DCC: variants seen among roughly 807,000 people sequenced by gnomAD.
The protein encoded by DCC is DCC netrin 1 receptor.
A neutral mutation model predicts 172.5 loss-of-function variants in DCC; 58 were observed. The observed-to-expected ratio is 0.34, with a 90% CI of 0.27 to 0.42. DCC has a LOEUF of 0.42. DCC is among the 10% of genes least tolerant of loss of function. The pLI is 1.00. For missense variants in DCC, 1,740 were observed against 1,791.0 expected, an observed-to-expected ratio of 0.97 and a Z score of 0.51; for synonymous variants, 709 against 644.5, an observed-to-expected ratio of 1.10 and a Z score of -1.52.
rs529121581 is a variant in DCC at position 53,256,434 on chromosome 18, C to T, written c.1911+40837C>T. On this transcript the variant is annotated intron_variant, in intron 12 of 28. Transcript: ENST00000442544. Reference sequence around the variant, plus strand: ...CCAGTTTCAGCTTTCTACATATGGCCAGCCAGTTTTCCCAGCACCATTTAT... The same window carrying T: ...CCAGTTTCAGCTTTCTACATATGGCTAGCCAGTTTTCCCAGCACCATTTAT... 1.5e-3 allele frequency among the ~76,000 whole-genome samples: 232 copies of T among 151,892 alleles called. 1 individual carries two copies. The highest frequency in any genetic ancestry group is 5.3e-3 in the African/African-American group (221 of 41,492).
intron 12 of DCC, among the ~76,000 whole-genome samples, chr18:53,290,556 TG>T (rs1287761433): frequency 1.3e-5 from 2 of 152,268 alleles, no homozygotes; most frequent in Admixed American, 1.3e-4. Context: ...GAAAGCCTGC[TG>T]GTTTCAGAGA....
Position 52,526,496 on chromosome 18 carries a change from G to A in DCC, c.91+185618G>A, listed in dbSNP as rs570521118. 6.6e-5 allele frequency among the ~76,000 whole-genome samples: 10 copies of A among 151,686 alleles called. No individual in the cohort carries two copies. The South Asian group carries it at 2.1e-3, about 32-fold the overall frequency. On this transcript the variant is annotated intron_variant, in intron 1 of 28. Coordinates refer to ENST00000442544, the MANE Select transcript of DCC (RefSeq NM_005215.4). ...TCTTTAAGAGGTTTCTGAGGGCCAC[G>A]AAATGGGCACTGATCTAGAATGCAG... is the stretch of plus-strand genomic sequence containing the variant.
chr18:52,412,222 A>G (rs1204956219), intron 1 of DCC, among the ~76,000 whole-genome samples: 1 of 152,120 alleles, frequency 6.6e-6, no homozygotes, highest in Admixed American at 6.6e-5. Flanking sequence ...TTGTAAAGGC[A>G]TGTATACACA....
chr18:53,329,656 T>A (rs1169638815), intron 14 of DCC, among the ~76,000 whole-genome samples: 1 of 152,152 alleles, frequency 6.6e-6, no homozygotes, highest in Non-Finnish European at 1.5e-5. Flanking sequence ...TGATCATTAT[T>A]ACATTAGTTA....
chr18:52,384,429 C>T (rs1431786), intron 1 of DCC, among the ~76,000 whole-genome samples: 12,618 of 152,148 alleles, frequency 0.083, 984 homozygotes, highest in African/African-American at 0.21. Flanking sequence ...ATGTCAAACA[C>T]GATGACATTG....
intron 2 of DCC, among the ~76,000 whole-genome samples, chr18:52,902,053 G>A (rs2039817818): frequency 6.6e-6 from 1 of 152,154 alleles, no homozygotes; most frequent in South Asian, 2.1e-4. Context: ...GTAGATGTTA[G>A]CAGAGAGCGT....
chr18:53,429,055 T>TATATATTTTATATATAATATATA (rs1911398099), intron 21 of DCC, among the ~76,000 whole-genome samples: 2 of 18,988 alleles, frequency 1.1e-4, no homozygotes, highest in Non-Finnish European at 7.2e-4. Flanking sequence ...TATAATATAT[T>TATATATTTTATATATAATATATA]ATATATTTTA....
At chr18:53,485,876 A>T (rs1342271368) in intron 25 of DCC, among the ~76,000 whole-genome samples, 1 of 152,066 alleles carries the variant, frequency 6.6e-6, no homozygotes, top group Admixed American at 6.6e-5. Flanking sequence ...ATGTGCATGC[A>T]TGTATGTGTA....
chr18:53,046,668 AC>A (rs2042243268), intron 5 of DCC, among the ~76,000 whole-genome samples: 1 of 152,006 alleles, frequency 6.6e-6, no homozygotes, highest in African/African-American at 2.4e-5. Flanking sequence ...AAGGAATTCC[AC>A]ATAACTTGAA....
intron 1 of DCC, among the ~76,000 whole-genome samples, chr18:52,541,292 A>C (rs959977646): frequency 6.6e-6 from 1 of 152,224 alleles, no homozygotes; most frequent in African/African-American, 2.4e-5. Flanking sequence ...TGCTCTATTG[A>C]GCAAAAGCAA....
chr18:52,545,806 G>C (rs2032595552), intron 1 of DCC, among the ~76,000 whole-genome samples: 1 of 152,110 alleles, frequency 6.6e-6, no homozygotes, highest in African/African-American at 2.4e-5. Context: ...CCTTCTATAA[G>C]GGAGTGTTGA....
chr18:53,252,974 A>G (rs906326448), intron 12 of DCC, among the ~76,000 whole-genome samples: 3 of 152,082 alleles, frequency 2.0e-5, no homozygotes, highest in African/African-American at 7.2e-5. Context: ...AGCTAATGAT[A>G]TAATAGGATT....
intron 1 of DCC, among the ~76,000 whole-genome samples, chr18:52,416,735 C>A (rs1248683907): frequency 6.6e-6 from 1 of 151,916 alleles, no homozygotes; most frequent in Non-Finnish European, 1.5e-5. Flanking sequence ...GGTAGATCTT[C>A]CTCCATCCTT....
chr18:52,765,975 G>A (rs1176922709), intron 2 of DCC, among the ~76,000 whole-genome samples: 3 of 152,264 alleles, frequency 2.0e-5, no homozygotes, highest in Non-Finnish European at 2.9e-5. Context: ...GAAGCAGGAC[G>A]TTTCCCTGAC....
intron 1 of DCC, among the ~76,000 whole-genome samples, chr18:52,448,058 T>C (rs545158565): frequency 1.3e-5 from 2 of 152,272 alleles, no homozygotes; most frequent in African/African-American, 4.8e-5. Context: ...AAACTGGTAC[T>C]GGTCTGTGGC....
At position 53,222,383 on chromosome 18, in the gene DCC, CTTTTTTTTT is replaced by C. The variant is rs67373546; in HGVS notation, c.1911+6797_1911+6805del. Reference sequence around the variant, plus strand: ...TTTTTCTTTTTTCTTTTTCTTTTTTCTTTTTTTTTTTTTTTTTTTGAAATGGAGTCTTGC... The same window carrying C: ...TTTTTCTTTTTTCTTTTTCTTTTTTCTTTTTTTTTTGAAATGGAGTCTTGC... On this transcript the variant is annotated intron_variant, in intron 12 of 28. Coordinates refer to ENST00000442544, the MANE Select transcript of DCC (RefSeq NM_005215.4). Among the ~76,000 whole-genome samples, 74 of 104,192 alleles carry C rather than the reference CTTTTTTTTT, an allele frequency of 7.1e-4. 1 individual carries two copies. Among genetic ancestry groups the C allele is most frequent in the Middle Eastern group, 5.6e-3 (1 of 178 alleles). The allele number at this position is 104,192 out of a possible 152,430, so 68.4% of individuals were successfully genotyped here.
intron 1 of DCC, among the ~76,000 whole-genome samples, chr18:52,430,042 TA>T (rs1383979141): frequency 6.6e-6 from 1 of 152,080 alleles, no homozygotes; most frequent in Non-Finnish European, 1.5e-5. Flanking sequence ...TAGCAGAGAA[TA>T]AAGTATATGC....
chr18:53,036,894 C>A (rs557266437), intron 5 of DCC, among the ~76,000 whole-genome samples: 1 of 152,044 alleles, frequency 6.6e-6, no homozygotes, highest in Admixed American at 6.6e-5. Context: ...ACAATTGAAT[C>A]CTTCAGCCCC....
At chr18:52,504,003 C>T (rs1450027314) in intron 1 of DCC, among the ~76,000 whole-genome samples, 1 of 152,148 alleles carries the variant, frequency 6.6e-6, no homozygotes, top group African/African-American at 2.4e-5. Flanking sequence ...ACCCTCTACT[C>T]TCAACCTTAT....
Sources: allele counts gnomAD v4.1 joint callset (sites outside exome capture counted in the v4.1 genomes callset), GRCh38; gene constraint gnomAD v4.1.1; transcripts MANE v1.5; gene names NCBI Gene and HGNC (gene_info 2026-07-23, HGNC 2026-07-21).